The following TNNT3 variants were observed in gnomAD, a reference collection of about 807,000 sequenced individuals.
TNNT3 encodes the protein troponin T3, fast skeletal type, also known as troponin T, fast skeletal muscle.
In TNNT3, 36 loss-of-function variants were observed where a neutral mutation model predicts 54.2. That is an observed-to-expected ratio of 0.66 (90% CI 0.51 to 0.88). TNNT3 has a LOEUF of 0.88. Ranked by LOEUF, TNNT3 falls within the 40% of genes least tolerant of loss-of-function variation. The probability of loss-of-function intolerance (pLI) is 0.00; values close to 1 mark genes in which losing one functional copy is unlikely to be tolerated. For synonymous variants in TNNT3, 120 were observed against 109.7 expected (o/e 1.09, Z -0.59); for missense variants, 291 against 331.6 (o/e 0.88, Z 0.95).
chr11:1,925,870 C>T (rs1430972821), intron 5 of TNNT3, among the ~76,000 whole-genome samples: 4 of 152,202 alleles, frequency 2.6e-5, no homozygotes, highest in Admixed American at 6.5e-5. Flanking sequence ...GATCAGCAGG[C>T]AGAGCCATCA....
intron 9 of TNNT3, 48 bp from the exon 10 acceptor site, chr11:1,933,673 G>A (rs373845621): frequency 6.5e-5 from 96 of 1,482,844 alleles, no homozygotes; most frequent in Non-Finnish European, 8.9e-5. Context: ...AGGCAGGGCA[G>A]AGGTTGGAGA....
At chr11:1,922,761 G>T (rs149146986) in intron 1 of TNNT3, 96 bp from the exon 2 acceptor site, 1 of 1,269,046 alleles carries the variant, frequency 7.9e-7, no homozygotes, top group Admixed American at 1.7e-5. Flanking sequence ...CCCCCACAGC[G>T]CTGCTCCAAG....
chr11:1,920,013 G>A (rs1205724191), intron 1 of TNNT3, among the ~76,000 whole-genome samples: 1 of 152,222 alleles, frequency 6.6e-6, no homozygotes. Context: ...AGAAGGCAGA[G>A]TGTGGGAGGC....
chr11:1,927,149 T>G (rs1589923601), intron 6 of TNNT3, among the ~76,000 whole-genome samples: 2 of 149,456 alleles, frequency 1.3e-5, no homozygotes, highest in East Asian at 2.0e-4. Context: ...AGGGGTGAGG[T>G]GGAAGGGAGG....
At chr11:1,926,296 C>T (rs1228086913) in intron 5 of TNNT3, among the ~76,000 whole-genome samples, 1 of 152,232 alleles carries the variant, frequency 6.6e-6, no homozygotes, top group Non-Finnish European at 1.5e-5. Context: ...GGACATGGGA[C>T]TGGGGCGGTG....
At chr11:1,923,485 T>G (rs371259611) in intron 3 of TNNT3, 70 bp from the exon 4 acceptor site, 2 of 1,555,496 alleles carry the variant, frequency 1.3e-6, no homozygotes, top group Non-Finnish European at 1.8e-6. Flanking sequence ...CACTGGCCTC[T>G]CATCCTCCTC....
In TNNT3 at chr11:1,920,801, TCCCCTGCCCCCAGCACA is replaced by T. The variant is rs1217564284; in HGVS notation, c.-19+1065_-19+1081del. Among the ~76,000 whole-genome samples, 81 of 151,826 alleles carry T rather than the reference TCCCCTGCCCCCAGCACA, an allele frequency of 5.3e-4. 1 individual carries two copies. The highest frequency in any genetic ancestry group is 3.1e-3 in the South Asian group (15 of 4,808). ...TTGCGTCTCAGCTGTTGAAATGCCA[TCCCCTGCCCCCAGCACA>T]CCCCTGCCCCCAGCACACCCCTGCC... On this transcript the variant is annotated intron_variant, in intron 1 of 15. Coordinates refer to ENST00000278317, the MANE Select transcript of TNNT3 (RefSeq NM_006757.4).
In TNNT3 at chr11:1,925,147, G is replaced by A. The variant is rs778639223; in HGVS notation, c.67+31G>A. On this transcript the variant is annotated intron_variant, in intron 5 of 15. Transcript: ENST00000278317. The stretch of plus-strand genomic sequence containing the variant: ...TGGGGTCCAAGGCCCCGGCCCCCAT[G>A]CCCACTCCCCAGCCTTCCCGCCCCA... 20 of 1,609,028 alleles carry A rather than the reference G, an allele frequency of 1.2e-5. No homozygotes were observed. In the East Asian group the frequency reaches 3.8e-4, roughly 31 times the overall value.
At chr11:1,929,926 T>C in intron 8 of TNNT3, 98 bp downstream of exon 8, 1 of 1,482,992 alleles carries the variant, frequency 6.7e-7, no homozygotes, top group Non-Finnish European at 9.2e-7. Flanking sequence ...GCCGAGTGTG[T>C]TCTGGGGTGG....
At chr11:1,919,563 TCCTATACTTGGTAAGGGGC>T (rs1849637630), upstream of TNNT3, 3 of 152,496 alleles carry the variant, frequency 2.0e-5, no homozygotes, top group African/African-American at 7.2e-5. Context: ...CTCTGGCCAT[TCCTATACTTGGTAAGGGGC>T]CTGCACGGGC....
At position 1,923,081 on chromosome 11, in the gene TNNT3, T is replaced by G; in HGVS notation, c.31+20T>G. 1 of 1,613,992 alleles carries G rather than the reference T, an allele frequency of 6.2e-7. No individual in the cohort carries two copies. Among genetic ancestry groups the G allele is most frequent in the African/African-American group, 1.3e-5 (1 of 75,038 alleles). ...TGGAGGGTAAGTGTAACAGCCATTT[T>G]CTTTCTACTTCCTGCTCTAGAAGGA... On this transcript the variant is annotated intron_variant, in intron 3 of 15. Coordinates refer to ENST00000278317, the MANE Select transcript of TNNT3 (RefSeq NM_006757.4).
rs914990152 is a variant in TNNT3 at position 1,934,218 on chromosome 11, G to A, written c.367-114G>A. ...GGAGCTTCCTTCCAGATAGTTCTAA[G>A]CCCAGGGTGGGCCCTTCCAGACAGC... On this transcript the variant is annotated intron_variant, in intron 11 of 15. Coordinates refer to ENST00000278317, the MANE Select transcript of TNNT3 (RefSeq NM_006757.4). The A allele has an allele frequency of 2.7e-6, 3 of 1,128,610 alleles. No individual in the cohort carries two copies. The African/African-American group carries it at 4.6e-5, about 17-fold the overall frequency. The allele number at this position is 1,128,610 out of a possible 1,614,324, so 69.9% of individuals were successfully genotyped here. A position where few individuals can be genotyped will look rare whatever the true frequency, so the allele number is the denominator to read the frequency against.
chr11:1,922,663 G>A (rs986135031), intron 1 of TNNT3, 194 bp from the exon 2 acceptor site: 7 of 628,484 alleles, frequency 1.1e-5, no homozygotes, highest in Admixed American at 4.9e-5. Flanking sequence ...CCAAGAGCTG[G>A]GAGGGGCCAG....
At chr11:1,924,997 C>G (rs1048581863) in intron 4 of TNNT3, 102 bp from the exon 5 acceptor site, 4 of 1,383,824 alleles carry the variant, frequency 2.9e-6, no homozygotes, top group East Asian at 2.3e-5. Flanking sequence ...CCCGGCCAGC[C>G]GGCCTCCTGT....
chr11:1,934,734 G>A (rs1854461158), intron 13 of TNNT3, 79 bp downstream of exon 13: 3 of 1,597,646 alleles, frequency 1.9e-6, no homozygotes, highest in Admixed American at 3.3e-5. Context: ...AGGCTGCCAA[G>A]GACCGTGCTC....
intron 4 of TNNT3, 73 bp from the exon 5 acceptor site, chr11:1,925,026 C>G: frequency 1.9e-6 from 3 of 1,573,884 alleles, no homozygotes; most frequent in Non-Finnish European, 2.6e-6. Context: ...CCTGAGTACA[C>G]TCTGATCACT....
chr11:1,925,021 G>C, intron 4 of TNNT3, 78 bp from the exon 5 acceptor site: 8 of 1,560,824 alleles, frequency 5.1e-6, no homozygotes, highest in Non-Finnish European at 4.4e-6. Flanking sequence ...TGCGGCCTGA[G>C]TACACTCTGA....
intron 15 of TNNT3, 200 bp from the exon 16 acceptor site, chr11:1,938,238 C>A: frequency 1.6e-6 from 1 of 644,692 alleles, no homozygotes; most frequent in Non-Finnish European, 2.8e-6. Context: ...GCCCCCTAAC[C>A]ACACTAACGA....
intron 1 of TNNT3, among the ~76,000 whole-genome samples, chr11:1,920,425 C>T (rs998915119): frequency 1.3e-5 from 2 of 152,152 alleles, no homozygotes; most frequent in African/African-American, 4.8e-5. Flanking sequence ...GGCTTCATCG[C>T]GTCCCCCTGG....
Sources: allele counts gnomAD v4.1 joint callset (sites outside exome capture counted in the v4.1 genomes callset), GRCh38; gene constraint gnomAD v4.1.1; transcripts MANE v1.5; gene names NCBI Gene and HGNC (gene_info 2026-07-23, HGNC 2026-07-21).